The following CA10 variants were observed in gnomAD, a reference collection of about 807,000 sequenced individuals.
CA10 encodes the protein carbonic anhydrase 10 (inactive), also known as carbonic anhydrase-related protein 10.
In CA10, 14 loss-of-function variants were observed where a neutral mutation model predicts 44.2. The observed-to-expected ratio is 0.32, with a 90% confidence interval of 0.21 to 0.50. CA10 has a LOEUF of 0.50. Among genes scored for constraint, CA10 ranks in the 20% least tolerant of loss-of-function variants. CA10 has a pLI of 0.99. For missense variants in CA10, 350 were observed against 409.7 expected (o/e 0.85, Z 1.26); for synonymous variants, 159 against 141.6 (o/e 1.12, Z -0.87).
intron 2 of CA10, among the ~76,000 whole-genome samples, chr17:51,997,299 T>A (rs1214269113): frequency 6.6e-6 from 1 of 152,082 alleles, no homozygotes; most frequent in Non-Finnish European, 1.5e-5. Context: ...CATCCATACC[T>A]AGCGCTGTTT....
chr17:51,807,644 G>A (rs1401171776), intron 3 of CA10, among the ~76,000 whole-genome samples: 1 of 152,172 alleles, frequency 6.6e-6, no homozygotes, highest in Non-Finnish European at 1.5e-5. Flanking sequence ...TGCTTACATT[G>A]CGGTATGGTG....
intron 3 of CA10, among the ~76,000 whole-genome samples, chr17:51,793,076 A>G (rs1906582803): frequency 6.6e-6 from 1 of 152,178 alleles, no homozygotes; most frequent in South Asian, 2.1e-4. Flanking sequence ...CTCCAGTCAC[A>G]TTATCCCTGT....
intron 3 of CA10, among the ~76,000 whole-genome samples, chr17:51,902,096 A>C (rs1014913032): frequency 1.3e-5 from 2 of 152,248 alleles, no homozygotes; most frequent in Admixed American, 6.5e-5. Flanking sequence ...CCTTGTTACA[A>C]GGGGAAAATA....
chr17:51,713,316 G>A (rs1916001262), intron 4 of CA10, among the ~76,000 whole-genome samples: 2 of 152,136 alleles, frequency 1.3e-5, no homozygotes, highest in African/African-American at 4.8e-5. Flanking sequence ...CCATTTCTTG[G>A]CTGGGTCATG....
chr17:52,099,396 T>G (rs1988483502), intron 1 of CA10, among the ~76,000 whole-genome samples: 1 of 152,168 alleles, frequency 6.6e-6, no homozygotes, highest in African/African-American at 2.4e-5. Flanking sequence ...TAGTGATCAT[T>G]GAGGTTTTTG....
At chr17:51,676,965 A>T (rs1914644478) in intron 4 of CA10, among the ~76,000 whole-genome samples, 1 of 152,158 alleles carries the variant, frequency 6.6e-6, no homozygotes, top group Non-Finnish European at 1.5e-5. Flanking sequence ...GCTTCCTGAC[A>T]GCCAAGAGCA....
At chr17:51,931,331 T>C (rs1276309172) in intron 2 of CA10, among the ~76,000 whole-genome samples, 199 bp from the exon 3 acceptor site, 5 of 152,128 alleles carry the variant, frequency 3.3e-5, no homozygotes, top group Non-Finnish European at 7.4e-5. Flanking sequence ...CTGCATGGTC[T>C]CTTGTCATCA....
intron 3 of CA10, among the ~76,000 whole-genome samples, chr17:51,824,532 G>A (rs987326005): frequency 6.6e-6 from 1 of 152,112 alleles, no homozygotes; most frequent in Non-Finnish European, 1.5e-5. Context: ...AAAAACCCTA[G>A]GATGAACAAA....
Position 51,717,852 on chromosome 17 carries a change from T to TATATATAC in CA10, c.465+29780_465+29781insGTATATAT, listed in dbSNP as rs1916213052. Among the ~76,000 whole-genome samples, 2 of 95,092 alleles carry TATATATAC rather than the reference T, an allele frequency of 2.1e-5. 1 individual carries two copies. Among genetic ancestry groups the TATATATAC allele is most frequent in the Admixed American group, 2.4e-4 (2 of 8,400 alleles). The allele number at this position is 95,092 out of a possible 152,430, so 62.4% of individuals were successfully genotyped here. ...GTGTATATATATATATATATATATA[T>TATATATAC]ATATATATATATATATACAGGATAG... On this transcript the variant is annotated intron_variant, in intron 4 of 8. Coordinates refer to ENST00000451037, the MANE Select transcript of CA10 (RefSeq NM_020178.5).
intron 4 of CA10, among the ~76,000 whole-genome samples, chr17:51,706,723 T>C (rs926207112): frequency 4.6e-5 from 7 of 152,112 alleles, no homozygotes; most frequent in African/African-American, 7.2e-5. Context: ...GGATTCCACA[T>C]TAGCCAACTT....
chr17:52,138,490 A>C (rs1989407350), intron 1 of CA10, among the ~76,000 whole-genome samples: 1 of 152,180 alleles, frequency 6.6e-6, no homozygotes, highest in South Asian at 2.1e-4. Context: ...ATCCAGTCCC[A>C]CCCAGGTAGA....
intron 3 of CA10, among the ~76,000 whole-genome samples, chr17:51,884,415 C>T (rs12149982): frequency 0.08 from 12,158 of 152,174 alleles, 1,035 homozygotes; most frequent in African/African-American, 0.22. Context: ...TTCTCTAGAA[C>T]GGGTTGTCTT....
intron 7 of CA10, among the ~76,000 whole-genome samples, chr17:51,634,343 G>T (rs1322834951): frequency 6.6e-6 from 1 of 152,198 alleles, no homozygotes; most frequent in Non-Finnish European, 1.5e-5. Flanking sequence ...AGTTACTGTT[G>T]CCTGTCACCC....
chr17:51,648,096 C>T (rs769897423), intron 6 of CA10, among the ~76,000 whole-genome samples: 6 of 152,144 alleles, frequency 3.9e-5, no homozygotes, highest in Non-Finnish European at 8.8e-5. Flanking sequence ...AAATGTTTGT[C>T]GAATAAGTGA....
chr17:51,854,780 C>T (rs1978964625), intron 3 of CA10, among the ~76,000 whole-genome samples: 4 of 152,200 alleles, frequency 2.6e-5, no homozygotes, highest in African/African-American at 7.2e-5. Flanking sequence ...GTGGTGTCCA[C>T]AGGGGATTAA....
chr17:52,145,085 A>T (rs1436302325), intron 1 of CA10, among the ~76,000 whole-genome samples: 1 of 152,000 alleles, frequency 6.6e-6, no homozygotes, highest in African/African-American at 2.4e-5. Context: ...CGACCCCTAG[A>T]CTCTTTCCCA....
intron 3 of CA10, among the ~76,000 whole-genome samples, chr17:51,851,642 G>A (rs1037195757): frequency 2.6e-5 from 4 of 152,124 alleles, no homozygotes; most frequent in African/African-American, 7.2e-5. Context: ...GAACAGATTT[G>A]AAGCTTCTGG....
At chr17:51,942,480 CT>C (rs1360410399) in intron 2 of CA10, among the ~76,000 whole-genome samples, 3 of 150,576 alleles carry the variant, frequency 2.0e-5, no homozygotes, top group Non-Finnish European at 3.0e-5. Flanking sequence ...CTTAACTTTC[CT>C]GTTAGACTTT....
At chr17:51,823,531 C>A (rs1225124472) in intron 3 of CA10, among the ~76,000 whole-genome samples, 1 of 152,230 alleles carries the variant, frequency 6.6e-6, no homozygotes, top group Non-Finnish European at 1.5e-5. Context: ...CGGGAAGGAA[C>A]AGGATGAAGC....
Sources: gnomAD v4.1 joint callset for allele counts (sites outside exome capture counted in the v4.1 genomes callset) on GRCh38, gnomAD v4.1.1 for gene constraint, MANE v1.5 for transcripts, NCBI Gene and HGNC (gene_info 2026-07-23, HGNC 2026-07-21) for gene names.